Variants in COG1 observed in about 807,000 individuals in gnomAD.
COG1 encodes the protein conserved oligomeric Golgi complex subunit 1.
A neutral mutation model predicts 102.2 loss-of-function variants in COG1; 61 were observed. The observed-to-expected ratio is 0.60, with a 90% confidence interval of 0.49 to 0.74. The LOEUF is 0.74. Among genes scored for constraint, COG1 ranks in the 30% least tolerant of loss-of-function variants. The pLI, the probability that COG1 is intolerant of heterozygous loss-of-function variation, is 0.00. For synonymous variants in COG1, 454 were observed against 493.6 expected, an observed-to-expected ratio of 0.92 and a Z score of 1.06; for missense variants, 1,164 against 1,232.1, an observed-to-expected ratio of 0.94 and a Z score of 0.83.
Position 73,205,339 on chromosome 17 carries a change from C to G in COG1, c.2383-214C>G. On this transcript the variant is annotated intron_variant, in intron 9 of 13. Transcript: ENST00000299886. ...AGCATCTGAGGCCTTTTTTAAGGGC[C>G]AGGTCTCTTCCCTGCTGTTAGGTTT... 5.3e-6 allele frequency: 3 copies of G among 568,914 alleles called. No individual in the cohort carries two copies. In the South Asian group the frequency reaches 5.9e-5, roughly 11 times the overall value. 35.2% of individuals were successfully genotyped at this position (568,914 alleles called of 1,614,324 possible).
chr17:73,203,952 C>T (rs1029101671), intron 9 of COG1, among the ~76,000 whole-genome samples, 159 bp downstream of exon 9: 2 of 152,204 alleles, frequency 1.3e-5, no homozygotes, highest in African/African-American at 4.8e-5. Context: ...TTAGGAGTAG[C>T]ACCCAGCGCT....
At chr17:73,202,152 A>G (rs2061349729) in intron 7 of COG1, among the ~76,000 whole-genome samples, 1 of 151,986 alleles carries the variant, frequency 6.6e-6, no homozygotes, top group African/African-American at 2.4e-5. Context: ...CCTGGCTAAC[A>G]TGGTGAAACC....
intron 11 of COG1, 66 bp from the exon 12 acceptor site, chr17:73,206,638 CTTTT>C (rs75205063): frequency 1.4e-3 from 1,159 of 815,400 alleles, no homozygotes; most frequent in Middle Eastern, 1.9e-3. Flanking sequence ...GGTGACTAAC[CTTTT>C]TTTTTTTTTT....
chr17:73,206,972 A>G, intron 12 of COG1, 155 bp downstream of exon 12: 1 of 713,236 alleles, frequency 1.4e-6, no homozygotes, highest in Non-Finnish European at 2.4e-6. Flanking sequence ...AGGTGCCTAT[A>G]GTCCCAGCTA....
chr17:73,202,780 T>C (rs1275521279), intron 7 of COG1, among the ~76,000 whole-genome samples: 1 of 152,066 alleles, frequency 6.6e-6, no homozygotes, highest in Non-Finnish European at 1.5e-5. Context: ...GGCAAGACCC[T>C]GTCTCAAAAA....
In COG1 at chr17:73,201,093, TCTCA is replaced by T; in HGVS notation, c.1282-15_1282-12del. 1.9e-6 allele frequency: 3 copies of T among 1,611,042 alleles called. No individual in the cohort carries two copies. The highest frequency in any genetic ancestry group is 2.5e-6 in the Non-Finnish European group (3 of 1,177,510). On this transcript the variant is annotated splice_polypyrimidine_tract_variant and intron_variant, in intron 6 of 13. Transcript: ENST00000299886. ...AAAGGAACTGTGATTAGAACTCTTC[TCTCA>T]TTCTCTTTTAGACTCTGACAAAAGA...
In COG1 at chr17:73,197,510, C is replaced by A. The variant is rs150046277; in HGVS notation, c.913+114C>A. On this transcript the variant is annotated intron_variant, in intron 4 of 13. Transcript: ENST00000299886. The stretch of plus-strand genomic sequence containing the variant: ...TCTGGGGATGGAGCAGTGAACTGGA[C>A]AAATAGAGGCCCTTCCTTCATCGAG... 9.1e-4 allele frequency: 1,005 copies of A among 1,100,080 alleles called. 5 individuals carry two copies. In the African/African-American group the frequency reaches 0.014, roughly 15 times the overall value. 68.1% of individuals were successfully genotyped at this position (1,100,080 alleles called of 1,614,324 possible). A position where few individuals can be genotyped will look rare whatever the true frequency, so the allele number is the denominator to read the frequency against.
rs1275216208 is a variant in COG1 at position 73,193,081 on chromosome 17, G to C, written c.12G>C (p.Ala4=). The change falls in exon 1 of 14, where the codon GCG becomes GCC. Residue 4 remains alanine (A), a synonymous_variant. Coordinates refer to ENST00000299886, the MANE Select transcript of COG1 (RefSeq NM_018714.3). ...CTGACGAGTGCACCATGGCCACCGC[G>C]GCAACCTCACCCGCGCTGAAGCGGC... MAT[A]ATSPALKRLD... is the part of the protein sequence containing the mutation. 1 of 1,584,780 alleles carries C rather than the reference G, an allele frequency of 6.3e-7. No individual in the cohort carries two copies. Among genetic ancestry groups the C allele is most frequent in the East Asian group, 2.4e-5 (1 of 42,520 alleles).
At position 73,206,706 on chromosome 17, in the gene COG1, A is replaced by G. The variant is rs978616171; in HGVS notation, c.2620-2A>G. ...ACCTCTGCTCCACCTCTTGTCTGCC[A>G]GGTTCTGTTTGGATTGGTGACTGGT... On this transcript the variant is annotated splice_acceptor_variant, in intron 11 of 13. Transcript: ENST00000299886. LOFTEE classifies it high-confidence loss of function. 1 of 1,589,136 alleles carries G rather than the reference A, an allele frequency of 6.3e-7. No individual in the cohort carries two copies. The highest frequency in any genetic ancestry group is 1.7e-5 in the Admixed American group (1 of 57,652).
rs1246223880 is a variant in COG1, at chr17:73,203,161, TG to T, written c.2220+18del. On this transcript the variant is annotated intron_variant, in intron 8 of 13. Coordinates refer to ENST00000299886, the MANE Select transcript of COG1 (RefSeq NM_018714.3). ...TCCCTGCACAGGTGAGCAGGGACCA[TG>T]GGCTGAAAAAGGGAATAAACTGCTC... 44 of 1,613,750 alleles carry T rather than the reference TG, an allele frequency of 2.7e-5. No homozygotes were observed. The highest frequency in any genetic ancestry group is 3.4e-5 in the Non-Finnish European group (40 of 1,179,902).
chr17:73,198,069 A>G (rs915633192), intron 4 of COG1, among the ~76,000 whole-genome samples: 5 of 152,186 alleles, frequency 3.3e-5, no homozygotes, highest in Admixed American at 6.5e-5. Context: ...TTTAGGTGGA[A>G]TAGATCCCCT....
At chr17:73,205,359 A>C in intron 9 of COG1, 194 bp from the exon 10 acceptor site, 1 of 635,096 alleles carries the variant, frequency 1.6e-6, no homozygotes, top group South Asian at 1.8e-5. Flanking sequence ...CCCTGCTGTT[A>C]GGTTTTTAAT....
At position 73,203,768 on chromosome 17, in the gene COG1, A is replaced by C; in HGVS notation, c.2357A>C (p.Lys786Thr). 4 of 1,614,210 alleles carry C rather than the reference A, an allele frequency of 2.5e-6. No individual in the cohort carries two copies. Among genetic ancestry groups the C allele is most frequent in the Non-Finnish European group, 3.4e-6 (4 of 1,180,038 alleles). ...CMVQVVAAYE[K>T]LSEEKQIKKE... ...GTTCAAGTAGTAGCTGCCTATGAGA[A>C]ACTCTCCGAAGAAAAACAGATTAAG... is the stretch of plus-strand genomic sequence containing the variant. The change falls in exon 9 of 14, where the codon AAA becomes ACA. Residue 786 changes from lysine (K) to threonine (T), a missense_variant. Lys to Thr is a moderately conservative substitution (Grantham distance 78). Coordinates refer to ENST00000299886, the MANE Select transcript of COG1 (RefSeq NM_018714.3).
intron 4 of COG1, among the ~76,000 whole-genome samples, chr17:73,199,067 A>G (rs1254343738): frequency 1.3e-5 from 2 of 152,174 alleles, no homozygotes; most frequent in African/African-American, 4.8e-5. Flanking sequence ...AAAGCAGTAC[A>G]AGGGGCCTTG....
intron 6 of COG1, 51 bp downstream of exon 6, chr17:73,200,827 T>A: frequency 6.7e-7 from 1 of 1,494,130 alleles, no homozygotes; most frequent in Non-Finnish European, 9.3e-7. Flanking sequence ...ATCCTAGTGG[T>A]ATTTTGACTG....
chr17:73,208,155 C>T (rs547662558), intron 13 of COG1, 159 bp from the exon 14 acceptor site: 6 of 1,521,780 alleles, frequency 3.9e-6, no homozygotes, highest in Non-Finnish European at 4.4e-6. Context: ...GTGTCCTCTT[C>T]AAATCTGGAC....
chr17:73,205,242 C>T, intron 9 of COG1: 5 of 371,900 alleles, frequency 1.3e-5, no homozygotes, highest in South Asian at 1.3e-4. Context: ...TAAGTCTTCT[C>T]TAATGAGCCT....
At chr17:73,199,041 C>A (rs543923922) in intron 4 of COG1, among the ~76,000 whole-genome samples, 1 of 152,316 alleles carries the variant, frequency 6.6e-6, no homozygotes, top group Admixed American at 6.5e-5. Context: ...TACTGGCTGA[C>A]TTGTCATGGC....
intron 5 of COG1, 81 bp from the exon 6 acceptor site, chr17:73,200,485 A>G (rs1018316720): frequency 9.4e-6 from 11 of 1,164,162 alleles, no homozygotes; most frequent in Admixed American, 1.7e-5. Flanking sequence ...GAGATTGTCA[A>G]ATGGGATTCT....
Sources: gnomAD v4.1 joint callset for allele counts (sites outside exome capture counted in the v4.1 genomes callset) on GRCh38, gnomAD v4.1.1 for gene constraint, MANE v1.5 for transcripts, NCBI Gene and HGNC (gene_info 2026-07-23, HGNC 2026-07-21) for gene names.